The following DZIP1 variants were observed in gnomAD, a reference collection of about 807,000 sequenced individuals.
DZIP1 encodes the protein cilium assembly protein DZIP1.
In DZIP1, 97 loss-of-function variants were observed where a neutral mutation model predicts 107.6. The ratio of observed to expected loss-of-function variants is 0.90; its 90% CI spans 0.77 to 1.07. DZIP1 has a LOEUF of 1.07. DZIP1 is among the 50% of genes least tolerant of loss of function. The pLI is 0.00. For missense variants in DZIP1, 1,035 were observed against 1,063.6 expected (o/e 0.97, Z 0.37); for synonymous variants, 390 against 386.4 (o/e 1.01, Z -0.11).
chr13:95,592,972 A>G (rs891598815), intron 16 of DZIP1, among the ~76,000 whole-genome samples: 1 of 152,218 alleles, frequency 6.6e-6, no homozygotes, highest in African/African-American at 2.4e-5. Flanking sequence ...GATACTGACT[A>G]GCAGAAAGTA....
chr13:95,605,177 T>C (rs530848992), intron 14 of DZIP1, among the ~76,000 whole-genome samples: 4 of 152,288 alleles, frequency 2.6e-5, no homozygotes, highest in South Asian at 4.1e-4. Context: ...AGACAAAAAG[T>C]GCCACCATAC....
In DZIP1 at chr13:95,641,463, G is replaced by A; in HGVS notation, c.429C>T (p.His143=). The stretch of plus-strand genomic sequence containing the variant: ...TCAGGCGCAGCCGCTCCTCCAGGGT[G>A]TGCAGCTGCGAGGTGAGGAACTCTT... The part of the protein sequence containing the change: ...HSQEFLTSQL[H]TLEERLRLSH... The change falls in exon 5 of 23, where the codon CAC becomes CAT. Residue 143 remains histidine, a synonymous_variant. Transcript: ENST00000376829. This position sits in a 1 kb window ranked among gnomAD's most constrained non-coding sequence, Gnocchi z 4.3. The A allele has an allele frequency of 6.2e-7, 1 of 1,614,170 alleles. No homozygotes were observed. The highest frequency in any genetic ancestry group is 8.5e-7 in the Non-Finnish European group (1 of 1,180,034).
At chr13:95,640,004 T>TA (rs1566438047) in intron 5 of DZIP1, among the ~76,000 whole-genome samples, 6 of 151,570 alleles carry the variant, frequency 4.0e-5, no homozygotes, top group African/African-American at 1.5e-4. Flanking sequence ...ATTTATTTTT[T>TA]TTTTTTTGAG....
chr13:95,605,651 T>C (rs1355261739), intron 14 of DZIP1, among the ~76,000 whole-genome samples: 1 of 152,248 alleles, frequency 6.6e-6, no homozygotes, highest in East Asian at 1.9e-4. Flanking sequence ...CCCTGTGGCA[T>C]GTGCTGGTTG....
At position 95,641,432 on chromosome 13, in the gene DZIP1, A is replaced by C. The variant is rs769440290; in HGVS notation, c.460T>G (p.Cys154Gly). The C allele has an allele frequency of 3.7e-6, 6 of 1,614,090 alleles. No individual in the cohort carries two copies. In the East Asian group the frequency reaches 1.3e-4, roughly 36 times the overall value. ...TLEERLRLSHCDGEQSKKLLT... is the reference protein window; with the variant it reads ...TLEERLRLSHGDGEQSKKLLT... ...AGCTTCTTGCTCTGCTCGCCGTCGC[A>C]GTGGCTCAGGCGCAGCCGCTCCTCC... The change falls in exon 5 of 23, where the codon TGC (cysteine) becomes GGC (glycine). Residue 154 changes from cysteine to glycine, a missense_variant. Coordinates refer to ENST00000376829, the MANE Select transcript of DZIP1 (RefSeq NM_198968.4). This position sits in a 1 kb window ranked among gnomAD's most constrained non-coding sequence, Gnocchi z 4.3.
intron 10 of DZIP1, among the ~76,000 whole-genome samples, chr13:95,616,263 G>A (rs4536336): frequency 6.6e-6 from 1 of 152,158 alleles, no homozygotes; most frequent in Non-Finnish European, 1.5e-5. Flanking sequence ...GGGTGGAAAC[G>A]TGGACTAGTG....
chr13:95,626,119 G>A (rs559331047), intron 7 of DZIP1, among the ~76,000 whole-genome samples: 3 of 152,142 alleles, frequency 2.0e-5, no homozygotes, highest in African/African-American at 7.2e-5. Flanking sequence ...GCAACAGAGA[G>A]AGAGTCTATC....
rs761770434 is a variant in DZIP1, at chr13:95,589,176, G to A, written c.2005C>T (p.Pro669Ser). The A allele has an allele frequency of 1.9e-6, 3 of 1,606,312 alleles. No individual in the cohort carries two copies. The South Asian group carries it at 3.4e-5, about 18-fold the overall frequency. ...CACGTAATAGTTGAAGACTTTCTGG[G>A]AAAAGGATCTTCCATGACATTTTTC... ...IKKNVMEDPF[P>S]RKSSTITTPP... The change falls in exon 19 of 23, where the codon CCC (proline) becomes TCC (serine). Residue 669 changes from proline to serine, a missense_variant. Transcript: ENST00000376829.
At position 95,580,894 on chromosome 13, in the gene DZIP1, A is replaced by G. The variant is rs372480124; in HGVS notation, c.*1340T>C. 6 of 152,204 alleles carry G rather than the reference A, an allele frequency of 3.9e-5. No homozygotes were observed. Among genetic ancestry groups the G allele is most frequent in the African/African-American group, 1.2e-4 (5 of 41,440 alleles). 9.4% of individuals were successfully genotyped at this position (152,204 alleles called of 1,614,324 possible). The stretch of plus-strand genomic sequence containing the variant: ...TATAAAGTGAGTATATCTGCATGAA[A>G]TGGCCCCTATAGGAAGTTGGAAGGA... On this transcript the variant is annotated 3_prime_UTR_variant, in exon 23 of 23. Transcript: ENST00000376829.
At chr13:95,596,520 C>T (rs377204079) in intron 15 of DZIP1, among the ~76,000 whole-genome samples, 2 of 152,300 alleles carry the variant, frequency 1.3e-5, no homozygotes, top group South Asian at 2.1e-4. Context: ...CCCCAAAGGC[C>T]ATCCAGATGG....
chr13:95,602,170 C>T (rs563831706), intron 14 of DZIP1, among the ~76,000 whole-genome samples: 36 of 152,272 alleles, frequency 2.4e-4, no homozygotes, highest in African/African-American at 8.4e-4. Context: ...ACCAACCTCA[C>T]TTCCCTCACA....
rs80132167 is a variant in DZIP1, at chr13:95,618,913, C to T, written c.1173+972G>A. ...TATTTTAAGACCTTCTCAAATACAT[C>T]TACTTTAGATGTTTTGCACTAGTGT... On this transcript the variant is annotated intron_variant, in intron 10 of 22. Coordinates refer to ENST00000376829, the MANE Select transcript of DZIP1 (RefSeq NM_198968.4). Among the ~76,000 whole-genome samples, 27 of 152,322 alleles carry T rather than the reference C, an allele frequency of 1.8e-4. No homozygotes were observed. The East Asian group carries it at 5.0e-3, about 28-fold the overall frequency.
At chr13:95,593,808 TAAAGTAGGTCAC>T in intron 16 of DZIP1, 124 bp downstream of exon 16, 1 of 1,008,994 alleles carries the variant, frequency 9.9e-7, no homozygotes, top group Non-Finnish European at 1.4e-6. Flanking sequence ...GTTTGATAAA[TAAAGTAGGTCAC>T]ATTAGCCTCT....
chr13:95,622,338 C>T lies in DZIP1; in HGVS notation c.1110+5G>A, dbSNP rs748445131. On this transcript the variant is annotated splice_donor_5th_base_variant and intron_variant, in intron 9 of 22. Coordinates refer to ENST00000376829, the MANE Select transcript of DZIP1 (RefSeq NM_198968.4). ...CCACTGCAGCTGTCACCCACTTGCA[C>T]GTACCTGACTATCAAGAAGCTGCAT... 4.3e-6 allele frequency: 7 copies of T among 1,614,120 alleles called. No individual in the cohort carries two copies. Among genetic ancestry groups the T allele is most frequent in the Admixed American group, 1.7e-5 (1 of 60,012 alleles).
At chr13:95,602,592 G>A (rs1594673102) in intron 14 of DZIP1, among the ~76,000 whole-genome samples, 1 of 152,234 alleles carries the variant, frequency 6.6e-6, no homozygotes, top group Non-Finnish European at 1.5e-5. Context: ...AACACCGCTG[G>A]AGAAACAGAT....
Position 95,581,350 on chromosome 13 carries a change from A to G in DZIP1, c.*884T>C, listed in dbSNP as rs926386854. The G allele has an allele frequency of 2.6e-5, 4 of 152,658 alleles. No individual in the cohort carries two copies. Among genetic ancestry groups the G allele is most frequent in the Admixed American group, 6.5e-5 (1 of 15,284 alleles). The allele number at this position is 152,658 out of a possible 1,614,324, so 9.5% of individuals were successfully genotyped here. A position where few individuals can be genotyped will look rare whatever the true frequency, so the allele number is the denominator to read the frequency against. ...TTGGGTATTTTAAATAGTAAAAAAA[A>G]ACATACATATGTGAATTCAGTAATG... On this transcript the variant is annotated 3_prime_UTR_variant, in exon 23 of 23. Coordinates refer to ENST00000376829, the MANE Select transcript of DZIP1 (RefSeq NM_198968.4).
At chr13:95,607,052 AT>A (rs869120324) in intron 13 of DZIP1, among the ~76,000 whole-genome samples, 2 of 129,892 alleles carry the variant, frequency 1.5e-5, no homozygotes, top group African/African-American at 5.7e-5. Context: ...TTTTTATTTT[AT>A]TTTTTTTTAA....
chr13:95,589,723 C>A, intron 18 of DZIP1, 80 bp downstream of exon 18: 1 of 1,511,756 alleles, frequency 6.6e-7, no homozygotes, highest in Non-Finnish European at 8.8e-7. Flanking sequence ...TGTGAAGCCA[C>A]CCAGTCTATG....
rs751814417 is a variant in DZIP1 at position 95,622,355 on chromosome 13, A to T, written c.1098T>A (p.Leu366=). 6.2e-7 allele frequency: 1 copy of T among 1,614,192 alleles called. No individual in the cohort carries two copies. Among genetic ancestry groups the T allele is most frequent in the South Asian group, 1.1e-5 (1 of 91,084 alleles). ...YPQDFHNVMQ[L]LDSQESKWTA... is the part of the protein sequence containing the mutation. ...CACTTGCACGTACCTGACTATCAAGAAGCTGCATGACATTATGGAAATCCT... is the reference window on the plus strand; with the variant it reads ...CACTTGCACGTACCTGACTATCAAGTAGCTGCATGACATTATGGAAATCCT... Residue 366 remains leucine, a synonymous_variant, in exon 9 of 23, where the codon CTT becomes CTA. Transcript: ENST00000376829.
Sources: gnomAD v4.1 joint callset for allele counts (sites outside exome capture counted in the v4.1 genomes callset) on GRCh38, gnomAD v4.1.1 for gene constraint, Gnocchi (gnomAD v3.1) non-coding constraint, MANE v1.5 for transcripts, NCBI Gene and HGNC (gene_info 2026-07-23, HGNC 2026-07-21) for gene names.